The following MYH10 variants were observed in gnomAD, a reference collection of about 807,000 sequenced individuals.
The protein encoded by MYH10 is myosin-10.
In MYH10, 55 loss-of-function variants were observed where a neutral mutation model predicts 257.8. The observed-to-expected ratio is 0.21, with a 90% CI of 0.17 to 0.27. The LOEUF is 0.27. Ranked by LOEUF, MYH10 falls within the 10% of genes least tolerant of loss-of-function variation. MYH10 has a pLI of 1.00. For missense variants in MYH10, 1,631 were observed against 2,500.6 expected (o/e 0.65, Z 7.42); for synonymous variants, 854 against 921.7 (o/e 0.93, Z 1.33).
intron 1 of MYH10, among the ~76,000 whole-genome samples, chr17:8,626,754 A>G (rs557969084): frequency 6.6e-6 from 1 of 152,236 alleles, no homozygotes; most frequent in African/African-American, 2.4e-5. Flanking sequence ...ATATTCAACT[A>G]TAACAAAATA....
intron 14 of MYH10, among the ~76,000 whole-genome samples, chr17:8,538,441 C>T (rs2082204585): frequency 1.3e-5 from 2 of 152,200 alleles, no homozygotes; most frequent in South Asian, 4.1e-4. Flanking sequence ...AACTCCTGAC[C>T]TCAAGTGATC....
chr17:8,518,691 A>G lies in MYH10; in HGVS notation c.2444T>C (p.Leu815Ser). ...GAAGATAATGATATCGGTGATTTTT[A>G]AATCTCTTTCTTCCTCTAAGTGTGC... ...VLAHLEEERDLKITDIIIFFQ... is the reference protein window; with the variant it reads ...VLAHLEEERDSKITDIIIFFQ... Residue 815 changes from leucine to serine, a missense_variant, in exon 21 of 43, where the codon TTA becomes TCA. Leu to Ser is a moderately radical substitution (Grantham distance 145). Around this residue, in one of 11 missense-constraint regions of MYH10, gnomAD observed 116 missense variants for 221.6 expected, o/e 0.52. Coordinates refer to ENST00000360416, the MANE Select transcript of MYH10 (RefSeq NM_001256012.3). 6.2e-7 allele frequency: 1 copy of G among 1,614,174 alleles called. No homozygotes were observed. The highest frequency in any genetic ancestry group is 8.5e-7 in the Non-Finnish European group (1 of 1,179,990).
chr17:8,623,432 C>A, intron 1 of MYH10, 155 bp from the exon 2 acceptor site: 1 of 615,874 alleles, frequency 1.6e-6, no homozygotes, highest in Non-Finnish European at 2.4e-6. Context: ...ACCGAGTTTC[C>A]AAGGTAAATT....
intron 7 of MYH10, among the ~76,000 whole-genome samples, chr17:8,560,233 T>C (rs8066844): frequency 0.96 from 146,718 of 152,242 alleles, 70,930 homozygotes; most frequent in East Asian, 1. Flanking sequence ...ATTAGAAGTT[T>C]GAAATTCATC....
At chr17:8,621,896 T>C (rs764219382) in intron 2 of MYH10, among the ~76,000 whole-genome samples, 13 of 152,222 alleles carry the variant, frequency 8.5e-5, no homozygotes, top group Non-Finnish European at 1.5e-4. Context: ...CCTTGTTTCA[T>C]TTCCTCATTG....
Position 8,499,372 on chromosome 17 carries a change from G to C in MYH10, c.3849C>G (p.His1283Gln), listed in dbSNP as rs576157632. 1.2e-6 allele frequency: 2 copies of C among 1,614,168 alleles called. No homozygotes were observed. The highest frequency in any genetic ancestry group is 2.2e-5 in the East Asian group (1 of 44,878). ...VLQQVKAESE[H>Q]KRKKLDAQVQ... is the part of the protein sequence containing the mutation. Reference sequence around the variant, plus strand: ...CCTGCGCGTCGAGCTTCTTCCTCTTGTGCTCAGACTCAGCCTTGACCTGCT... The same window carrying C: ...CCTGCGCGTCGAGCTTCTTCCTCTTCTGCTCAGACTCAGCCTTGACCTGCT... Residue 1283 changes from histidine (H) to glutamine (Q), a missense_variant, in exon 30 of 43, where the codon CAC (histidine) becomes CAG (glutamine). His to Gln is a conservative substitution (Grantham distance 24, BLOSUM62 0). This residue lies in a region of MYH10 where 463 missense variants were observed against 621.8 expected (regional missense o/e 0.74). Transcript: ENST00000360416.
At chr17:8,625,841 G>C (rs1458800409) in intron 1 of MYH10, among the ~76,000 whole-genome samples, 1 of 152,062 alleles carries the variant, frequency 6.6e-6, no homozygotes, top group Admixed American at 6.6e-5. Flanking sequence ...GCTGGTCCTG[G>C]GACACATTTG....
In MYH10 at chr17:8,475,034, C is replaced by T. The variant is rs186305906; in HGVS notation, c.*770G>A. 539 of 152,514 alleles carry T rather than the reference C, an allele frequency of 3.5e-3. 3 individuals are homozygous for T. The highest frequency in any genetic ancestry group is 6.0e-3 in the Non-Finnish European group (411 of 68,130). 9.4% of individuals were successfully genotyped at this position (152,514 alleles called of 1,614,324 possible). ...AGGGCGCCGGCAGAGCCAGGCGGTT[C>T]GGGAGACCATCTGGAAGTCTACATG... On this transcript the variant is annotated 3_prime_UTR_variant, in exon 43 of 43. Coordinates refer to ENST00000360416, the MANE Select transcript of MYH10 (RefSeq NM_001256012.3).
intron 4 of MYH10, among the ~76,000 whole-genome samples, chr17:8,581,696 A>AT (rs1282413658): frequency 2.0e-5 from 3 of 152,224 alleles, no homozygotes; most frequent in Non-Finnish European, 4.4e-5. Context: ...CTCCTAATAC[A>AT]TAGGGTTGTT....
At chr17:8,582,026 A>G (rs1214260554) in intron 4 of MYH10, among the ~76,000 whole-genome samples, 1 of 152,238 alleles carries the variant, frequency 6.6e-6, no homozygotes, top group African/African-American at 2.4e-5. Flanking sequence ...GTCCTCGCCA[A>G]AAGGCTCTCA....
At chr17:8,629,855 G>A (rs2085837410) in intron 1 of MYH10, among the ~76,000 whole-genome samples, 1 of 151,724 alleles carries the variant, frequency 6.6e-6, no homozygotes, top group East Asian at 2.0e-4. Context: ...CTCCACGGAG[G>A]GCGCGGCAGG....
Position 8,623,275 on chromosome 17 carries a change from C to G in MYH10, c.-29G>C. 1 of 1,547,262 alleles carries G rather than the reference C, an allele frequency of 6.5e-7. No homozygotes were observed. Among genetic ancestry groups the G allele is most frequent in the South Asian group, 1.2e-5 (1 of 82,110 alleles). ...AAATGGAACGATCCAAAAGCAATTG[C>G]CTCTAAGAGAAGAGGAGGAGGGCAA... On this transcript the variant is annotated splice_region_variant and 5_prime_UTR_variant, in exon 2 of 43. Coordinates refer to ENST00000360416, the MANE Select transcript of MYH10 (RefSeq NM_001256012.3).
At chr17:8,529,526 C>A (rs1261296173) in intron 17 of MYH10, among the ~76,000 whole-genome samples, 1 of 152,240 alleles carries the variant, frequency 6.6e-6, no homozygotes, top group Non-Finnish European at 1.5e-5. Context: ...CATTCCCCAA[C>A]GCCAAAGAGG....
At chr17:8,503,858 G>A (rs1361211193) in intron 28 of MYH10, among the ~76,000 whole-genome samples, 1 of 151,996 alleles carries the variant, frequency 6.6e-6, no homozygotes, top group Non-Finnish European at 1.5e-5. Context: ...GCCAAGGCAC[G>A]AGGGTTCCCT....
intron 7 of MYH10, among the ~76,000 whole-genome samples, chr17:8,557,069 C>T (rs1234340269): frequency 3.3e-5 from 5 of 152,026 alleles, no homozygotes; most frequent in African/African-American, 1.2e-4. Context: ...TCTCACCCTT[C>T]CCAAAGTGTT....
intron 17 of MYH10, among the ~76,000 whole-genome samples, chr17:8,523,934 C>T (rs1311662611): frequency 6.6e-6 from 1 of 152,048 alleles, no homozygotes; most frequent in Non-Finnish European, 1.5e-5. Flanking sequence ...GAAGACAAGA[C>T]CCAAACTCTA....
chr17:8,521,095 C>T lies in MYH10; in HGVS notation c.2148G>A (p.Lys716=). The change falls in exon 18 of 43, where the codon AAG becomes AAA. Residue 716 remains lysine, a synonymous_variant. Transcript: ENST00000360416. ...ATATGTTTTGCTCAGCACGTACCCT[C>T]TTCTCGTGATTTGGAATGATACAAC... ...FVRCIIPNHE[K]RAGKLDPHLV... is the part of the protein sequence containing the mutation. 1.2e-6 allele frequency: 2 copies of T among 1,614,228 alleles called. No homozygotes were observed. The highest frequency in any genetic ancestry group is 8.5e-7 in the Non-Finnish European group (1 of 1,180,034).
intron 7 of MYH10, chr17:8,560,582 G>A (rs1469908953): frequency 4.7e-6 from 4 of 853,572 alleles, no homozygotes; most frequent in South Asian, 1.3e-5. Flanking sequence ...GAAAACTTTC[G>A]TGCACTGAGC....
intron 7 of MYH10, among the ~76,000 whole-genome samples, chr17:8,567,484 C>G (rs915751820): frequency 6.6e-6 from 1 of 152,166 alleles, no homozygotes; most frequent in Non-Finnish European, 1.5e-5. Flanking sequence ...TGAAATGCGT[C>G]CCTGCACAAA....
Sources: gnomAD v4.1 joint callset for allele counts (sites outside exome capture counted in the v4.1 genomes callset) on GRCh38, gnomAD v4.1.1 for gene constraint, gnomAD v4.1.1 regional missense constraint, MANE v1.5 for transcripts, NCBI Gene and HGNC (gene_info 2026-07-23, HGNC 2026-07-21) for gene names.